The following RBM20 variants were observed in gnomAD, a reference collection of about 807,000 sequenced individuals.
The protein encoded by RBM20 is RNA-binding protein 20.
In RBM20, 51 loss-of-function variants were observed where a neutral mutation model predicts 110.1. That is an observed-to-expected ratio of 0.46 (90% CI 0.37 to 0.59). RBM20 has a LOEUF of 0.59. Ranked by LOEUF, RBM20 falls within the 20% of genes least tolerant of loss-of-function variation. The probability of loss-of-function intolerance (pLI) is 0.00; values close to 1 mark genes in which losing one functional copy is unlikely to be tolerated. For missense variants in RBM20, 1,512 were observed against 1,574.9 expected (o/e 0.96, Z 0.68); for synonymous variants, 589 against 618.2 (o/e 0.95, Z 0.70).
intron 1 of RBM20, among the ~76,000 whole-genome samples, chr10:110,707,531 G>A (rs1862859207): frequency 6.6e-6 from 1 of 152,148 alleles, no homozygotes; most frequent in South Asian, 2.1e-4. Context: ...GTTTTAAAAG[G>A]CAAAGAGCAT....
intron 1 of RBM20, among the ~76,000 whole-genome samples, chr10:110,723,568 T>C (rs1211218097): frequency 6.6e-6 from 1 of 152,264 alleles, no homozygotes; most frequent in African/African-American, 2.4e-5. Context: ...GATTCCAATT[T>C]TTCCACATTC....
At chr10:110,708,394 C>A (rs573866939) in intron 1 of RBM20, among the ~76,000 whole-genome samples, 1 of 152,036 alleles carries the variant, frequency 6.6e-6, no homozygotes, top group African/African-American at 2.4e-5. Flanking sequence ...TGAGGACCAG[C>A]GTGATGAACT....
At chr10:110,656,176 C>T (rs1362782032) in intron 1 of RBM20, among the ~76,000 whole-genome samples, 1 of 152,036 alleles carries the variant, frequency 6.6e-6, no homozygotes, top group Non-Finnish European at 1.5e-5. Context: ...GTGGTGGGCG[C>T]CTGAAATCCC....
chr10:110,724,720 TTCATCTGGGGATGAA>T (rs560518727), intron 1 of RBM20, among the ~76,000 whole-genome samples: 157 of 152,286 alleles, frequency 1.0e-3, no homozygotes, highest in African/African-American at 3.6e-3. Flanking sequence ...ATGTTTTCAC[TTCATCTGGGGATGAA>T]TCATCTGGGG....
intron 1 of RBM20, among the ~76,000 whole-genome samples, chr10:110,766,165 G>A (rs1234862620): frequency 6.6e-6 from 1 of 152,168 alleles, no homozygotes; most frequent in East Asian, 1.9e-4. Context: ...AGCCAAGGCA[G>A]TTTTCAATCT....
chr10:110,759,978 C>T (rs547945149), intron 1 of RBM20, among the ~76,000 whole-genome samples: 12 of 152,324 alleles, frequency 7.9e-5, no homozygotes, highest in Middle Eastern at 3.4e-3. Context: ...TCTTACCTGA[C>T]TGTCTGCAAT....
chr10:110,815,677 C>T (rs1009214132), intron 9 of RBM20, among the ~76,000 whole-genome samples: 2 of 152,212 alleles, frequency 1.3e-5, no homozygotes, highest in Non-Finnish European at 2.9e-5. Context: ...TGAGACTCTG[C>T]CCTGGGAACC....
At chr10:110,831,691 A>AAAG (rs1845058365) in intron 13 of RBM20, among the ~76,000 whole-genome samples, 1 of 151,216 alleles carries the variant, frequency 6.6e-6, no homozygotes, top group Non-Finnish European at 1.5e-5. Context: ...AAAAAAAAAA[A>AAAG]CACTGCTTTG....
At chr10:110,672,319 G>C (rs1862273501) in intron 1 of RBM20, among the ~76,000 whole-genome samples, 1 of 152,108 alleles carries the variant, frequency 6.6e-6, no homozygotes, top group Non-Finnish European at 1.5e-5. Context: ...TTCTTAATCC[G>C]CTTTCTGCTG....
intron 1 of RBM20, among the ~76,000 whole-genome samples, chr10:110,687,626 T>C (rs1590617762): frequency 6.6e-6 from 1 of 152,216 alleles, no homozygotes; most frequent in African/African-American, 2.4e-5. Context: ...ATCTCGTGAT[T>C]TTGCGTAACA....
intron 1 of RBM20, among the ~76,000 whole-genome samples, chr10:110,715,831 C>A (rs1265448045): frequency 1.3e-5 from 2 of 152,186 alleles, no homozygotes; most frequent in African/African-American, 4.8e-5. Context: ...GGGTCTCACC[C>A]CAGCCTGGAG....
intron 7 of RBM20, among the ~76,000 whole-genome samples, chr10:110,803,071 C>A (rs1174260662): frequency 6.6e-6 from 1 of 151,294 alleles, no homozygotes; most frequent in Non-Finnish European, 1.5e-5. Context: ...TATAAGAGTA[C>A]AACAATAACA....
chr10:110,685,749 G>A (rs911385325), intron 1 of RBM20, among the ~76,000 whole-genome samples: 11 of 152,208 alleles, frequency 7.2e-5, no homozygotes, highest in African/African-American at 2.7e-4. Flanking sequence ...TTGGGCGGGA[G>A]GGTCGGGAGG....
At chr10:110,749,518 C>T (rs971688183) in intron 1 of RBM20, among the ~76,000 whole-genome samples, 4 of 152,168 alleles carry the variant, frequency 2.6e-5, no homozygotes, top group African/African-American at 9.6e-5. Context: ...TAGGATAGCT[C>T]ATTTGTGTAA....
chr10:110,821,405 T>G lies in RBM20; in HGVS notation c.2786T>G (p.Leu929Arg). ...DFIVEPDIPE[L>R]EEIVPIDQKD... ...ATCGTGGAACCAGACATCCCAGAGCTGGAAGAAATTGTGCCCATTGACCAG... is the reference window on the plus strand; with the variant it reads ...ATCGTGGAACCAGACATCCCAGAGCGGGAAGAAATTGTGCCCATTGACCAG... The change falls in exon 11 of 14, where the codon CTG becomes CGG. Residue 929 changes from leucine (L) to arginine (R), a missense_variant. This residue lies in a region of RBM20 where 358 missense variants were observed against 384.2 expected (regional missense o/e 0.93). Coordinates refer to ENST00000369519, the MANE Select transcript of RBM20 (RefSeq NM_001134363.3). 6.4e-7 allele frequency: 1 copy of G among 1,551,770 alleles called. No individual in the cohort carries two copies. The highest frequency in any genetic ancestry group is 8.7e-7 in the Non-Finnish European group (1 of 1,147,018).
chr10:110,769,027 A>G (rs1199107867), intron 1 of RBM20, among the ~76,000 whole-genome samples: 1 of 152,232 alleles, frequency 6.6e-6, no homozygotes, highest in East Asian at 1.9e-4. Flanking sequence ...TGGGACCCAA[A>G]GTAATAAAGA....
intron 1 of RBM20, among the ~76,000 whole-genome samples, chr10:110,731,779 C>A (rs971490846): frequency 3.3e-5 from 5 of 152,154 alleles, no homozygotes; most frequent in African/African-American, 1.2e-4. Flanking sequence ...AGAGTTTAGG[C>A]TTCTTCAGGC....
chr10:110,776,226 A>G (rs558671211), intron 1 of RBM20, among the ~76,000 whole-genome samples: 1 of 152,300 alleles, frequency 6.6e-6, no homozygotes, highest in East Asian at 1.9e-4. Flanking sequence ...GGATCAATTC[A>G]TACCAGCAAG....
intron 1 of RBM20, among the ~76,000 whole-genome samples, chr10:110,745,829 G>A (rs1464861051): frequency 6.6e-6 from 1 of 152,132 alleles, no homozygotes; most frequent in Non-Finnish European, 1.5e-5. Flanking sequence ...CAACAAGCAA[G>A]GTTTACCATA....
Sources: gnomAD v4.1 joint callset for allele counts (sites outside exome capture counted in the v4.1 genomes callset) on GRCh38, gnomAD v4.1.1 for gene constraint, gnomAD v4.1.1 regional missense constraint, MANE v1.5 for transcripts, NCBI Gene and HGNC (gene_info 2026-07-23, HGNC 2026-07-21) for gene names.